NKAIN3: variants seen among roughly 807,000 people sequenced by gnomAD.
The protein encoded by NKAIN3 is sodium/potassium transporting ATPase interacting 3.
Under a neutral mutation model 30.2 loss-of-function variants are expected in NKAIN3, and 25 were observed. That is an observed-to-expected ratio of 0.83 (90% CI 0.60 to 1.16). The LOEUF is 1.16. Among genes scored for constraint, NKAIN3 ranks in the 50% most tolerant of loss-of-function variants. NKAIN3 has a pLI of 0.00. For synonymous variants in NKAIN3, 91 were observed against 89.6 expected (o/e 1.02, Z -0.09); for missense variants, 225 against 254.1 (o/e 0.89, Z 0.78).
intron 4 of NKAIN3, among the ~76,000 whole-genome samples, chr8:62,803,451 T>G (rs1407623621): frequency 3.3e-5 from 5 of 152,074 alleles, no homozygotes; most frequent in Non-Finnish European, 5.9e-5. Context: ...GAACTCAGGA[T>G]TCAGAAACTC....
At chr8:62,451,220 C>T (rs999064712) in intron 1 of NKAIN3, among the ~76,000 whole-genome samples, 1 of 151,752 alleles carries the variant, frequency 6.6e-6, no homozygotes, top group Non-Finnish European at 1.5e-5. Flanking sequence ...CTTCTCTTCT[C>T]TTCTCTTTTC....
At chr8:62,881,967 A>G (rs1820997155) in intron 4 of NKAIN3, among the ~76,000 whole-genome samples, 1 of 152,154 alleles carries the variant, frequency 6.6e-6, no homozygotes, top group South Asian at 2.1e-4. Context: ...ATGGTATCCC[A>G]TCGTTGTTTT....
chr8:62,569,834 C>T (rs576196905), intron 1 of NKAIN3, among the ~76,000 whole-genome samples: 12 of 151,388 alleles, frequency 7.9e-5, no homozygotes, highest in African/African-American at 2.7e-4. Context: ...TAGGAAATAC[C>T]AATTTAGCTA....
intron 4 of NKAIN3, among the ~76,000 whole-genome samples, chr8:62,790,149 T>A (rs1266100222): frequency 1.3e-5 from 2 of 152,200 alleles, no homozygotes; most frequent in Admixed American, 6.5e-5. Flanking sequence ...GATGCAAGGC[T>A]GGTTCAACAT....
chr8:62,652,485 G>A (rs987363095), intron 3 of NKAIN3, among the ~76,000 whole-genome samples: 2 of 152,134 alleles, frequency 1.3e-5, no homozygotes, highest in Non-Finnish European at 2.9e-5. Flanking sequence ...ACAGTTTTTA[G>A]AATTATAAGA....
intron 3 of NKAIN3, among the ~76,000 whole-genome samples, chr8:62,666,897 C>T (rs887612420): frequency 3.3e-5 from 5 of 152,130 alleles, no homozygotes; most frequent in Non-Finnish European, 7.3e-5. Context: ...CCAATCCTTT[C>T]TTTCCTCTGA....
At chr8:62,883,235 G>A (rs952608426) in intron 4 of NKAIN3, among the ~76,000 whole-genome samples, 2 of 152,018 alleles carry the variant, frequency 1.3e-5, no homozygotes, top group Non-Finnish European at 2.9e-5. Flanking sequence ...GATTTCTTTA[G>A]TCAGAGCTTT....
At chr8:62,460,543 A>T (rs1805969874) in intron 1 of NKAIN3, among the ~76,000 whole-genome samples, 1 of 152,204 alleles carries the variant, frequency 6.6e-6, no homozygotes, top group South Asian at 2.1e-4. Flanking sequence ...TGTTGGTAAG[A>T]ACAATGAGCT....
chr8:62,431,847 G>C (rs1392841130), intron 1 of NKAIN3, among the ~76,000 whole-genome samples: 3 of 130,440 alleles, frequency 2.3e-5, no homozygotes, highest in Non-Finnish European at 4.8e-5. Flanking sequence ...GAGAACTGAA[G>C]AGAAGCTTAT....
chr8:62,308,479 A>T (rs1814325711), intron 1 of NKAIN3, among the ~76,000 whole-genome samples: 1 of 150,696 alleles, frequency 6.6e-6, no homozygotes, highest in Non-Finnish European at 1.5e-5. Flanking sequence ...AGTGAAGGCC[A>T]TGATCAAGAG....
At chr8:62,368,698 G>A (rs1361598747) in intron 1 of NKAIN3, among the ~76,000 whole-genome samples, 1 of 152,094 alleles carries the variant, frequency 6.6e-6, no homozygotes, top group East Asian at 1.9e-4. Flanking sequence ...GTGGACATCT[G>A]CCTATCATCT....
chr8:62,858,257 C>G (rs574987046), intron 4 of NKAIN3, among the ~76,000 whole-genome samples: 14 of 152,224 alleles, frequency 9.2e-5, no homozygotes, highest in African/African-American at 3.1e-4. Context: ...GGGTACGGAC[C>G]TGTTGCCAGG....
intron 3 of NKAIN3, among the ~76,000 whole-genome samples, chr8:62,640,870 T>G (rs1157187212): frequency 6.6e-6 from 1 of 152,090 alleles, no homozygotes; most frequent in African/African-American, 2.4e-5. Flanking sequence ...GTTTCTTAAA[T>G]CGAAGCTGAA....
At chr8:62,470,324 T>C (rs1214852039) in intron 1 of NKAIN3, among the ~76,000 whole-genome samples, 2 of 152,120 alleles carry the variant, frequency 1.3e-5, no homozygotes, top group Non-Finnish European at 2.9e-5. Context: ...TAGAACTAAC[T>C]TGATAAAACA....
At position 62,608,336 on chromosome 8, in the gene NKAIN3, A is replaced by G. The variant is rs1277634780; in HGVS notation, c.273+18542A>G. On this transcript the variant is annotated intron_variant, in intron 3 of 6. Coordinates refer to ENST00000623646, the MANE Select transcript of NKAIN3 (RefSeq NM_001304533.3). The stretch of plus-strand genomic sequence containing the variant: ...CTAAAAATTGATCATAAAAGCCAAA[A>G]TTTGAACTGTTTAATAATAGAGATT... Among the ~76,000 whole-genome samples the G allele has an allele frequency of 7.2e-5, 11 of 152,332 alleles. No individual in the cohort carries two copies. In the East Asian group the frequency reaches 1.5e-3, roughly 21 times the overall value.
rs552546814 is a variant in NKAIN3 at position 62,708,389 on chromosome 8, T to C, written c.274-38543T>C. The stretch of plus-strand genomic sequence containing the variant: ...TGTGTTTCCATTTGTTTATGTTGTC[T>C]ATGATTTCTTTCAGCAGTGTTTTGT... On this transcript the variant is annotated intron_variant, in intron 3 of 6. Transcript: ENST00000623646. Among the ~76,000 whole-genome samples the C allele has an allele frequency of 2.6e-5, 4 of 152,262 alleles. No homozygotes were observed. In the South Asian group the frequency reaches 8.3e-4, roughly 32 times the overall value.
At chr8:62,433,165 G>A (rs1355584165) in intron 1 of NKAIN3, among the ~76,000 whole-genome samples, 4 of 152,062 alleles carry the variant, frequency 2.6e-5, no homozygotes, top group Admixed American at 2.0e-4. Flanking sequence ...TCAGTTCAAT[G>A]CAACTGAAAA....
intron 1 of NKAIN3, among the ~76,000 whole-genome samples, chr8:62,502,815 G>T (rs1212792740): frequency 6.6e-6 from 1 of 152,174 alleles, no homozygotes; most frequent in Non-Finnish European, 1.5e-5. Flanking sequence ...AAGTGCAATT[G>T]GACTGTGAGG....
At chr8:62,585,388 A>G (rs1403683865) in intron 2 of NKAIN3, among the ~76,000 whole-genome samples, 3 of 152,194 alleles carry the variant, frequency 2.0e-5, no homozygotes, top group South Asian at 2.1e-4. Flanking sequence ...ATATGAAAAC[A>G]ACTTTGCCAC....
Sources: allele counts gnomAD v4.1 joint callset (sites outside exome capture counted in the v4.1 genomes callset), GRCh38; gene constraint gnomAD v4.1.1; transcripts MANE v1.5; gene names NCBI Gene and HGNC (gene_info 2026-07-23, HGNC 2026-07-21).